The following PLEKHA6 variants were observed in gnomAD, a reference collection of about 807,000 sequenced individuals.
PLEKHA6 encodes pleckstrin homology domain containing A6, also known as pleckstrin homology domain-containing family A member 6.
Under a neutral mutation model 116.7 loss-of-function variants are expected in PLEKHA6, and 60 were observed. The observed-to-expected ratio is 0.51, with a 90% CI of 0.42 to 0.64. The LOEUF is 0.64. Ranked by LOEUF, PLEKHA6 falls within the 30% of genes least tolerant of loss-of-function variation. The probability of loss-of-function intolerance (pLI) is 0.00; values close to 1 mark genes in which losing one functional copy is unlikely to be tolerated. For synonymous variants in PLEKHA6, 489 were observed against 556.1 expected (o/e 0.88, Z 1.70); for missense variants, 1,338 against 1,422.7 (o/e 0.94, Z 0.96).
chr1:204,357,324 T>G (rs1443930980), intron 1 of PLEKHA6, among the ~76,000 whole-genome samples: 1 of 152,120 alleles, frequency 6.6e-6, no homozygotes, highest in Non-Finnish European at 1.5e-5. Flanking sequence ...GACTAGATAG[T>G]CTCTGAGGGG....
chr1:204,277,026 A>G lies in PLEKHA6; in HGVS notation c.-94-2217T>C, dbSNP rs374198775. 3 of 152,702 alleles carry G rather than the reference A, an allele frequency of 2.0e-5. No homozygotes were observed. The highest frequency in any genetic ancestry group is 7.2e-5 in the African/African-American group (3 of 41,524). 9.5% of individuals were successfully genotyped at this position (152,702 alleles called of 1,614,324 possible). A position where few individuals can be genotyped will look rare whatever the true frequency, so the allele number is the denominator to read the frequency against. On this transcript the variant is annotated intron_variant, in intron 1 of 22. Transcript: ENST00000272203. The surrounding 1 kb of genome is among the most constrained non-coding windows in gnomAD (Gnocchi z 4.1). ...CCGTCGATCAGCCCGAAACTTCAACATCTTTTTGGCAGCTCCGTCCCCAGT... is the reference window on the plus strand; with the variant it reads ...CCGTCGATCAGCCCGAAACTTCAACGTCTTTTTGGCAGCTCCGTCCCCAGT...
At chr1:204,225,789 T>G (rs1325816843) in intron 21 of PLEKHA6, among the ~76,000 whole-genome samples, 1 of 152,158 alleles carries the variant, frequency 6.6e-6, no homozygotes, top group Non-Finnish European at 1.5e-5. Context: ...ACATTTGTAC[T>G]CAAACCTTTC....
At position 204,350,838 on chromosome 1, in the gene PLEKHA6, A is replaced by T. The variant is rs150237719; in HGVS notation, c.-95+8856T>A. ...GCCAAGACGACTCACACTGCAAAAC[A>T]TACACACAAAGGGTCGGAAACAGCA... On this transcript the variant is annotated intron_variant, in intron 1 of 22. Coordinates refer to ENST00000272203, the MANE Select transcript of PLEKHA6 (RefSeq NM_014935.5). Among the ~76,000 whole-genome samples the T allele has an allele frequency of 4.8e-4, 73 of 152,292 alleles. No individual in the cohort carries two copies. The East Asian group carries it at 8.9e-3, about 19-fold the overall frequency.
chr1:204,273,190 T>C (rs907660190), intron 3 of PLEKHA6, among the ~76,000 whole-genome samples: 1 of 152,156 alleles, frequency 6.6e-6, no homozygotes, highest in Non-Finnish European at 1.5e-5. Context: ...TTCGTGACTA[T>C]CCTTCAAGAC....
chr1:204,255,530 G>C, intron 9 of PLEKHA6: 1 of 679,254 alleles, frequency 1.5e-6, no homozygotes, highest in South Asian at 1.6e-5. Flanking sequence ...CACCAACAAA[G>C]GTTGTCAAAT....
intron 2 of PLEKHA6, 64 bp downstream of exon 2, chr1:204,274,665 G>A (rs1401613991): frequency 2.0e-6 from 2 of 985,692 alleles, no homozygotes; most frequent in South Asian, 4.7e-5. Flanking sequence ...CAGCTGCAAG[G>A]AGGCAGTGGG....
At chr1:204,276,704 G>A (rs888000176) in intron 1 of PLEKHA6, among the ~76,000 whole-genome samples, 5 of 150,636 alleles carry the variant, frequency 3.3e-5, no homozygotes, top group Admixed American at 2.6e-4. Context: ...ACAGTCTGCT[G>A]CCAACCATCA....
Position 204,229,809 on chromosome 1 carries a change from A to G in PLEKHA6, c.2583+604T>C, listed in dbSNP as rs538880610. ...AGGACTTATGAGTCATAATTTTTCC[A>G]TATTTCTAAAATTTAATGGAAAGAA... On this transcript the variant is annotated intron_variant, in intron 18 of 22. Transcript: ENST00000272203. 1.3e-4 allele frequency among the ~76,000 whole-genome samples: 20 copies of G among 152,294 alleles called. 1 individual carries two copies. The South Asian group carries it at 4.1e-3, about 32-fold the overall frequency.
chr1:204,334,755 C>T (rs1672581279), intron 1 of PLEKHA6, among the ~76,000 whole-genome samples: 1 of 151,854 alleles, frequency 6.6e-6, no homozygotes, highest in Admixed American at 6.6e-5. Flanking sequence ...AAAAATTAGC[C>T]GGGCGCGGTA....
At chr1:204,260,518 A>G (rs1665967890) in intron 7 of PLEKHA6, among the ~76,000 whole-genome samples, 1 of 152,224 alleles carries the variant, frequency 6.6e-6, no homozygotes, top group Non-Finnish European at 1.5e-5. Flanking sequence ...GAATGAATGA[A>G]CTCTTGGAAT....
chr1:204,332,528 C>T (rs572071656), intron 1 of PLEKHA6, among the ~76,000 whole-genome samples: 14 of 152,190 alleles, frequency 9.2e-5, no homozygotes, highest in South Asian at 4.1e-4. Context: ...ATTACAGGAA[C>T]GCGCCACCAT....
chr1:204,343,453 G>A (rs978573889), intron 1 of PLEKHA6, among the ~76,000 whole-genome samples: 2 of 152,102 alleles, frequency 1.3e-5, no homozygotes, highest in African/African-American at 2.4e-5. Context: ...GATTATAACC[G>A]GGGTCACACA....
intron 1 of PLEKHA6, among the ~76,000 whole-genome samples, chr1:204,324,396 GA>G (rs1672170354): frequency 6.6e-6 from 1 of 152,176 alleles, no homozygotes; most frequent in African/African-American, 2.4e-5. Context: ...GGGCCTCAAT[GA>G]ATAAGCCCTT....
At chr1:204,332,990 C>T (rs1672512683) in intron 1 of PLEKHA6, among the ~76,000 whole-genome samples, 1 of 152,198 alleles carries the variant, frequency 6.6e-6, no homozygotes, top group African/African-American at 2.4e-5. Flanking sequence ...AACGAAAGTT[C>T]CTGCCCCACC....
At position 204,265,020 on chromosome 1, in the gene PLEKHA6, C is replaced by A. The variant is rs775436300; in HGVS notation, c.303G>T (p.Leu101=). 1.2e-6 allele frequency: 2 copies of A among 1,613,834 alleles called. No individual in the cohort carries two copies. Among genetic ancestry groups the A allele is most frequent in the Non-Finnish European group, 1.7e-6 (2 of 1,179,712 alleles). ...GGAAGCTCAGGAGGGGGATGCTGCC[C>A]AGGATACTCTCTTCCTTCTCATCTG... ...YYKDEKEESI[L]GSIPLLSFRV... is the part of the protein sequence containing the mutation. Residue 101 remains leucine (L), a synonymous_variant, in exon 6 of 23, where the codon CTG becomes CTT. Coordinates refer to ENST00000272203, the MANE Select transcript of PLEKHA6 (RefSeq NM_014935.5).
At chr1:204,254,271 G>A (rs1236487082) in intron 9 of PLEKHA6, among the ~76,000 whole-genome samples, 1 of 152,234 alleles carries the variant, frequency 6.6e-6, no homozygotes, top group Non-Finnish European at 1.5e-5. Context: ...GAATGCCACG[G>A]CCTCCAGGGC....
At position 204,238,778 on chromosome 1, in the gene PLEKHA6, C is replaced by A. The variant is rs1042595661; in HGVS notation, c.2409+2597G>T. On this transcript the variant is annotated intron_variant, in intron 17 of 22. Transcript: ENST00000272203. This position sits in a 1 kb window ranked among gnomAD's most constrained non-coding sequence, Gnocchi z 4.2. ...CAGATGGTTCTGCAAGATATGCAGGCACCACCCGAAAGTAGACAGCTGCAG... is the reference window on the plus strand; with the variant it reads ...CAGATGGTTCTGCAAGATATGCAGGAACCACCCGAAAGTAGACAGCTGCAG... Among the ~76,000 whole-genome samples the A allele has an allele frequency of 6.6e-6, 1 of 152,172 alleles. No homozygotes were observed. Among genetic ancestry groups the A allele is most frequent in the African/African-American group, 2.4e-5 (1 of 41,440 alleles).
intron 2 of PLEKHA6, chr1:204,368,736 G>C (rs574134412): frequency 1.0e-4 from 16 of 152,522 alleles, no homozygotes; most frequent in African/African-American, 3.8e-4. Context: ...TCCACTGTCA[G>C]AGGTGGGGAC....
chr1:204,243,574 C>T (rs1663163332), intron 15 of PLEKHA6, among the ~76,000 whole-genome samples: 1 of 152,098 alleles, frequency 6.6e-6, no homozygotes, highest in African/African-American at 2.4e-5. Flanking sequence ...CCTTTTGCTT[C>T]CACCCACTCT....
Sources: allele counts gnomAD v4.1 joint callset (sites outside exome capture counted in the v4.1 genomes callset), GRCh38; gene constraint gnomAD v4.1.1; non-coding constraint Gnocchi (gnomAD v3.1); transcripts MANE v1.5; gene names NCBI Gene and HGNC (gene_info 2026-07-23, HGNC 2026-07-21).